LANCL1: variants seen among roughly 807,000 people sequenced by gnomAD.
The protein encoded by LANCL1 is LanC like glutathione S-transferase 1.
In LANCL1, 50 loss-of-function variants were observed where a neutral mutation model predicts 50.6. The observed-to-expected ratio is 0.99, with a 90% CI of 0.79 to 1.25. The LOEUF (loss-of-function observed/expected upper bound fraction) is 1.25. LANCL1 is among the 50% of genes most tolerant of loss of function. The pLI is 0.00. For synonymous variants in LANCL1, 188 were observed against 178.6 expected (o/e 1.05, Z -0.42); for missense variants, 532 against 480.7 (o/e 1.11, Z -1.00).
At chr2:210,461,338 A>C (rs1165050367) in intron 3 of LANCL1, among the ~76,000 whole-genome samples, 2 of 151,672 alleles carry the variant, frequency 1.3e-5, no homozygotes, top group Non-Finnish European at 2.9e-5. Context: ...ATGAAGGTGA[A>C]GGTGAAGGAC....
chr2:210,476,497 C>T (rs913203951), intron 1 of LANCL1, 85 bp from the exon 2 acceptor site: 1 of 1,465,512 alleles, frequency 6.8e-7, no homozygotes, highest in Non-Finnish European at 9.1e-7. Context: ...CCAGGTATCC[C>T]CCTTCCTCCA....
intron 3 of LANCL1, 97 bp downstream of exon 3, chr2:210,471,862 G>C: frequency 1.2e-6 from 1 of 856,182 alleles, no homozygotes; most frequent in Admixed American, 1.8e-5. Flanking sequence ...GATGCAGGAA[G>C]CATTTAAGGG....
chr2:210,471,238 G>A (rs1229108123), intron 3 of LANCL1, among the ~76,000 whole-genome samples: 1 of 151,768 alleles, frequency 6.6e-6, no homozygotes, highest in East Asian at 1.9e-4. Flanking sequence ...GTAAAGATGG[G>A]GTTGCACAGT....
Position 210,438,599 on chromosome 2 carries a change from G to C in LANCL1, c.691-727C>G, listed in dbSNP as rs796343508. ...GAGATGCACTGGACAAACCAAGCATGACTTTCGTTATTACATTTAGAGAAG... is the reference window on the plus strand; with the variant it reads ...GAGATGCACTGGACAAACCAAGCATCACTTTCGTTATTACATTTAGAGAAG... On this transcript the variant is annotated intron_variant, in intron 6 of 9. Coordinates refer to ENST00000450366, the MANE Select transcript of LANCL1 (RefSeq NM_006055.3). 5.3e-5 allele frequency among the ~76,000 whole-genome samples: 8 copies of C among 152,156 alleles called. No homozygotes were observed. The South Asian group carries it at 1.7e-3, about 32-fold the overall frequency.
At chr2:210,448,273 G>A (rs1693405473) in intron 4 of LANCL1, among the ~76,000 whole-genome samples, 1 of 152,100 alleles carries the variant, frequency 6.6e-6, no homozygotes, top group Admixed American at 6.6e-5. Flanking sequence ...ACGAAATTAA[G>A]GCAGAAATAA....
rs1693625494 is a variant in LANCL1 at position 210,455,145 on chromosome 2, C to A, written c.369G>T (p.Lys123Asn). 7 of 1,613,646 alleles carry A rather than the reference C, an allele frequency of 4.3e-6. No homozygotes were observed. In the East Asian group the frequency reaches 1.6e-4, roughly 36 times the overall value. ...CTTCTGCCTGCTTCTCATTGTTCAT[C>A]TTGTGATATAGCACAGCGGCCACTG... ...PLAVAAVLYH[K>N]MNNEKQAEDC... The change falls in exon 4 of 10, where the codon AAG becomes AAT. Residue 123 changes from lysine (K) to asparagine (N), a missense_variant. Lys to Asn is a moderately conservative substitution (Grantham distance 94). Transcript: ENST00000450366.
rs749109809 is a variant in LANCL1 at position 210,455,187 on chromosome 2, C to G, written c.327G>C (p.Gly109=). The G allele has an allele frequency of 3.7e-6, 6 of 1,613,684 alleles. No homozygotes were observed. The South Asian group carries it at 6.6e-5, about 18-fold the overall frequency. ...CGGCCACTGCCAGGGGGCCTGCATC[C>G]CCACAAAGGAAGGTGATGGAGCGCT... ...LTKRSITFLC[G]DAGPLAVAAV... is the part of the protein sequence containing the mutation. Residue 109 remains glycine (G), a synonymous_variant, in exon 4 of 10, where the codon GGG becomes GGC. Coordinates refer to ENST00000450366, the MANE Select transcript of LANCL1 (RefSeq NM_006055.3).
intron 5 of LANCL1, 86 bp from the exon 6 acceptor site, chr2:210,440,830 C>A (rs1454043802): frequency 4.9e-6 from 6 of 1,226,672 alleles, no homozygotes; most frequent in Admixed American, 2.4e-5. Flanking sequence ...CTAAGAGGTA[C>A]TGGGGAACAT....
At chr2:210,464,923 G>A (rs1412134722) in intron 3 of LANCL1, among the ~76,000 whole-genome samples, 8 of 145,042 alleles carry the variant, frequency 5.5e-5, no homozygotes, top group East Asian at 2.0e-4. Flanking sequence ...CCGAGATTGC[G>A]CCACTGCAGT....
chr2:210,467,961 A>G (rs1472319375), intron 3 of LANCL1, among the ~76,000 whole-genome samples: 1 of 152,218 alleles, frequency 6.6e-6, no homozygotes, highest in Non-Finnish European at 1.5e-5. Context: ...TGGAAACTTT[A>G]TAATTTTGCA....
intron 7 of LANCL1, among the ~76,000 whole-genome samples, chr2:210,437,006 A>T (rs773593924): frequency 6.6e-5 from 10 of 152,200 alleles, no homozygotes; most frequent in Non-Finnish European, 1.3e-4. Flanking sequence ...ATACACTAAA[A>T]GCTTATTTAT....
At chr2:210,476,880 T>C (rs919461951), upstream of LANCL1, 20 of 884,722 alleles carry the variant, frequency 2.3e-5, no homozygotes, top group African/African-American at 2.9e-4. Context: ...GCAGGGTATT[T>C]TAATTACTGG....
Position 210,471,993 on chromosome 2 carries a change from G to A in LANCL1, c.165C>T (p.Asp55=), listed in dbSNP as rs1694239816. Residue 55 remains aspartate, a synonymous_variant, in exon 3 of 10, where the codon GAC becomes GAT. Transcript: ENST00000450366. The stretch of plus-strand genomic sequence containing the variant: ...CAGTGTAACCGGTGCCATCCCGAGG[G>A]TCTGCTGATTTCAGGCCTCTCTCCA... The part of the protein sequence containing the change: ...QQMERGLKSA[D]PRDGTGYTGW... 2 of 1,614,008 alleles carry A rather than the reference G, an allele frequency of 1.2e-6. No individual in the cohort carries two copies. The highest frequency in any genetic ancestry group is 4.5e-5 in the East Asian group (2 of 44,882).
intron 5 of LANCL1, 152 bp downstream of exon 5, chr2:210,441,156 A>G (rs1693116140): frequency 1.4e-6 from 1 of 716,102 alleles, no homozygotes; most frequent in South Asian, 2.4e-5. Context: ...GTAGAAAGCT[A>G]TTGGTTCTTG....
At chr2:210,435,630 G>A (rs1034001552) in intron 8 of LANCL1, among the ~76,000 whole-genome samples, 171 bp from the exon 9 acceptor site, 2 of 152,110 alleles carry the variant, frequency 1.3e-5, no homozygotes, top group African/African-American at 4.8e-5. Context: ...CAGCATGGGA[G>A]GAATTTAATG....
At chr2:210,450,569 G>T (rs1693483194) in intron 4 of LANCL1, among the ~76,000 whole-genome samples, 1 of 152,108 alleles carries the variant, frequency 6.6e-6, no homozygotes. Context: ...CCTATAGAAT[G>T]GGAGAAAATT....
chr2:210,466,852 A>G (rs1348715664), intron 3 of LANCL1, among the ~76,000 whole-genome samples: 2 of 152,346 alleles, frequency 1.3e-5, no homozygotes, highest in Admixed American at 1.3e-4. Context: ...GGCTGAAACA[A>G]TAAATTCCTG....
At chr2:210,443,520 A>T (rs374202223) in intron 4 of LANCL1, among the ~76,000 whole-genome samples, 22 of 152,310 alleles carry the variant, frequency 1.4e-4, no homozygotes, top group African/African-American at 5.3e-4. Context: ...TTTCGACACT[A>T]AATCTTTGTT....
At chr2:210,472,194 G>C (rs1409209976) in intron 2 of LANCL1, 118 bp from the exon 3 acceptor site, 1 of 646,988 alleles carries the variant, frequency 1.5e-6, no homozygotes, top group Non-Finnish European at 2.7e-6. Flanking sequence ...TTTCCACCTG[G>C]AAGACTAAAC....
Sources: gnomAD v4.1 joint callset for allele counts (sites outside exome capture counted in the v4.1 genomes callset) on GRCh38, gnomAD v4.1.1 for gene constraint, MANE v1.5 for transcripts, NCBI Gene and HGNC (gene_info 2026-07-23, HGNC 2026-07-21) for gene names.